The following PCDHA10 variants were observed in gnomAD, a reference collection of about 807,000 sequenced individuals.
The protein encoded by PCDHA10 is protocadherin alpha-10.
A neutral mutation model predicts 61.2 loss-of-function variants in PCDHA10; 45 were observed. That is an observed-to-expected ratio of 0.74 (90% CI 0.58 to 0.94). The LOEUF is 0.94. PCDHA10 is among the 40% of genes least tolerant of loss of function. PCDHA10 has a pLI of 0.00. For synonymous variants in PCDHA10, 602 were observed against 548.8 expected, an observed-to-expected ratio of 1.10 and a Z score of -1.35; for missense variants, 1,278 against 1,236.2, an observed-to-expected ratio of 1.03 and a Z score of -0.51.
At chr5:140,948,868 G>A (rs191976148) in intron 1 of PCDHA10, among the ~76,000 whole-genome samples, 20 of 151,330 alleles carry the variant, frequency 1.3e-4, no homozygotes, top group African/African-American at 4.8e-4. Context: ...ATTACTTCGG[G>A]TTTACTTTGC....
intron 1 of PCDHA10, among the ~76,000 whole-genome samples, chr5:140,954,134 A>G (rs1443838127): frequency 6.6e-6 from 1 of 152,194 alleles, no homozygotes; most frequent in Non-Finnish European, 1.5e-5. Flanking sequence ...TTATGGATGC[A>G]TAGTATTCCA....
intron 1 of PCDHA10, chr5:140,869,245 A>G: frequency 1.2e-6 from 2 of 1,613,628 alleles, no homozygotes; most frequent in Non-Finnish European, 1.7e-6. Context: ...CGTGGGCCGC[A>G]TCGCGCAGGA....
intron 1 of PCDHA10, among the ~76,000 whole-genome samples, chr5:140,898,007 A>G (rs1477147548): frequency 2.3e-4 from 35 of 152,100 alleles, no homozygotes; most frequent in African/African-American, 8.5e-4. Context: ...GTGTCTGTTC[A>G]TATCCTTTGC....
intron 1 of PCDHA10, chr5:140,865,728 T>C (rs1052740962): frequency 5.3e-5 from 8 of 152,218 alleles, no homozygotes; most frequent in Admixed American, 4.6e-4. Flanking sequence ...AGCTGAGATG[T>C]GTATCTATTT....
chr5:140,864,059 T>C (rs1371478916), intron 1 of PCDHA10: 1 of 152,732 alleles, frequency 6.5e-6, no homozygotes, highest in Non-Finnish European at 1.5e-5. Flanking sequence ...ACAGTCACCA[T>C]GAACATTCTT....
intron 1 of PCDHA10, chr5:140,876,833 C>T: frequency 3.1e-6 from 5 of 1,614,176 alleles, no homozygotes; most frequent in Non-Finnish European, 4.2e-6. Context: ...AATGCGCCTG[C>T]GTTCGCGCAG....
chr5:140,940,164 A>G (rs2092564000), intron 1 of PCDHA10, among the ~76,000 whole-genome samples: 1 of 152,170 alleles, frequency 6.6e-6, no homozygotes, highest in Non-Finnish European at 1.5e-5. Context: ...TTTGCCTGAA[A>G]TGTCATTCTT....
At chr5:140,877,205 GCGAGTTGGTACCGCGGT>G in intron 1 of PCDHA10, 1 of 1,613,826 alleles carries the variant, frequency 6.2e-7, no homozygotes, top group Non-Finnish European at 8.5e-7. Flanking sequence ...GGCGCAGTTA[GCGAGTTGGTACCGCGGT>G]CGGTGGGTGC....
At chr5:140,993,727 T>C (rs1482867785) in intron 3 of PCDHA10, among the ~76,000 whole-genome samples, 1 of 152,220 alleles carries the variant, frequency 6.6e-6, no homozygotes, top group Non-Finnish European at 1.5e-5. Context: ...ACCTTTTCTA[T>C]GTTTAGATAC....
chr5:141,003,540 T>A (rs2098129225), intron 3 of PCDHA10, among the ~76,000 whole-genome samples: 1 of 152,188 alleles, frequency 6.6e-6, no homozygotes, highest in Non-Finnish European at 1.5e-5. Flanking sequence ...CTTGAACTCC[T>A]GGCTTCAAGT....
At chr5:140,944,291 G>A (rs155813) in intron 1 of PCDHA10, among the ~76,000 whole-genome samples, 48,239 of 151,966 alleles carry the variant, frequency 0.32, 8,008 homozygotes, top group East Asian at 0.53. Flanking sequence ...GGGCTCAAGC[G>A]ATCCTCCTAC....
chr5:140,890,488 T>C (rs1022131727), intron 1 of PCDHA10, among the ~76,000 whole-genome samples: 20 of 152,340 alleles, frequency 1.3e-4, no homozygotes, highest in African/African-American at 4.8e-4. Flanking sequence ...GTTATTTTTG[T>C]CTCACCATTT....
At chr5:140,921,998 A>G (rs1247902071) in intron 1 of PCDHA10, among the ~76,000 whole-genome samples, 3 of 152,206 alleles carry the variant, frequency 2.0e-5, no homozygotes, top group African/African-American at 7.2e-5. Flanking sequence ...AGTTCAATGA[A>G]ATGATTAGTT....
At chr5:140,987,592 G>A (rs150671243) in intron 3 of PCDHA10, among the ~76,000 whole-genome samples, 29 of 152,290 alleles carry the variant, frequency 1.9e-4, no homozygotes, top group Admixed American at 1.6e-3. Context: ...GAGAATAGTG[G>A]TGTCTACCTT....
intron 1 of PCDHA10, among the ~76,000 whole-genome samples, chr5:140,950,427 C>T (rs393858): frequency 0.56 from 85,078 of 151,138 alleles, 24,477 homozygotes; most frequent in African/African-American, 0.69. Flanking sequence ...TTTTCTTCCA[C>T]TTAAAAAAAA....
chr5:140,986,358 A>C (rs1440671712), intron 3 of PCDHA10, among the ~76,000 whole-genome samples: 1 of 152,116 alleles, frequency 6.6e-6, no homozygotes, highest in African/African-American at 2.4e-5. Context: ...CTTCAGATGG[A>C]GGAATGCGTT....
chr5:140,963,551 G>C (rs2095774327), intron 1 of PCDHA10, among the ~76,000 whole-genome samples: 1 of 152,158 alleles, frequency 6.6e-6, no homozygotes, highest in African/African-American at 2.4e-5. Flanking sequence ...GATATAAAAA[G>C]GGGCTGTTTT....
intron 1 of PCDHA10, among the ~76,000 whole-genome samples, chr5:140,935,064 T>C (rs782620164): frequency 5.9e-5 from 9 of 152,252 alleles, no homozygotes; most frequent in Admixed American, 2.0e-4. Flanking sequence ...GATGTTCAGA[T>C]TATCTTGTAC....
rs146132566 is a variant in PCDHA10 at position 140,856,749 on chromosome 5, C to A, written c.701C>A (p.Ala234Asp). ...SVSLLILVLD[A>D]NDNAPIFDRP... is the part of the protein sequence containing the mutation. ...TCTCTGCTGATCCTGGTGTTAGATGCCAATGATAACGCCCCTATCTTTGAC... is the reference window on the plus strand; with the variant it reads ...TCTCTGCTGATCCTGGTGTTAGATGACAATGATAACGCCCCTATCTTTGAC... Residue 234 changes from alanine to aspartate, a missense_variant, in exon 1 of 4, where the codon GCC becomes GAC. Coordinates refer to ENST00000307360, the MANE Select transcript of PCDHA10 (RefSeq NM_018901.4). 2 of 1,595,860 alleles carry A rather than the reference C, an allele frequency of 1.3e-6. No individual in the cohort carries two copies. Among genetic ancestry groups the A allele is most frequent in the East Asian group, 2.2e-5 (1 of 44,842 alleles).
Sources: gnomAD v4.1 joint callset for allele counts (sites outside exome capture counted in the v4.1 genomes callset) on GRCh38, gnomAD v4.1.1 for gene constraint, MANE v1.5 for transcripts, NCBI Gene and HGNC (gene_info 2026-07-23, HGNC 2026-07-21) for gene names.